SCP2: variants seen among roughly 807,000 people sequenced by gnomAD.
SCP2 encodes the protein sterol carrier protein 2, also known as SCP-2/3-oxoacyl-CoA thiolase.
A neutral mutation model predicts 71.4 loss-of-function variants in SCP2; 48 were observed. That is an observed-to-expected ratio of 0.67 (90% CI 0.53 to 0.86). SCP2 has a LOEUF of 0.86. Among genes scored for constraint, SCP2 ranks in the 40% least tolerant of loss-of-function variants. SCP2 has a pLI of 0.00. For missense variants in SCP2, 560 were observed against 655.6 expected, an observed-to-expected ratio of 0.85 and a Z score of 1.59; for synonymous variants, 220 against 218.1, an observed-to-expected ratio of 1.01 and a Z score of -0.08.
At chr1:53,012,228 C>T (rs114400554) in intron 11 of SCP2, among the ~76,000 whole-genome samples, 7,560 of 152,284 alleles carry the variant, frequency 0.05, 593 homozygotes, top group African/African-American at 0.17. Context: ...GGAAGGAATG[C>T]GTGCTCAGAG....
At chr1:52,976,601 C>T in intron 7 of SCP2, 82 bp from the exon 8 acceptor site, 1 of 782,932 alleles carries the variant, frequency 1.3e-6, no homozygotes, top group Non-Finnish European at 2.3e-6. Context: ...ATAATATTTA[C>T]ATATTATTCT....
At chr1:52,931,542 C>A (rs1463868862) in intron 1 of SCP2, among the ~76,000 whole-genome samples, 1 of 152,194 alleles carries the variant, frequency 6.6e-6, no homozygotes, top group East Asian at 1.9e-4. Context: ...AAGGGTAGTA[C>A]TTCCCAGCTG....
At chr1:52,974,461 TCTC>T (rs951969158) in intron 6 of SCP2, among the ~76,000 whole-genome samples, 2 of 152,180 alleles carry the variant, frequency 1.3e-5, no homozygotes, top group Admixed American at 1.3e-4. Flanking sequence ...ATTGTAGTGT[TCTC>T]CTGCCTTAAA....
chr1:52,973,808 A>G lies in SCP2; in HGVS notation c.524-961A>G, dbSNP rs78335779. 9.1e-3 allele frequency among the ~76,000 whole-genome samples: 1,389 copies of G among 152,182 alleles called. 93 individuals carry two copies. In the East Asian group the frequency reaches 0.19, roughly 21 times the overall value. ...CTAGAGACAGAGTCTCACCATGTTG[A>G]CTAGTCTGGTCTTGAACTCCTGACC... On this transcript the variant is annotated intron_variant, in intron 6 of 15. Transcript: ENST00000371514.
intron 5 of SCP2, among the ~76,000 whole-genome samples, chr1:52,955,715 C>T (rs771055753): frequency 6.6e-6 from 1 of 152,010 alleles, no homozygotes. Context: ...AGGAAAGCAC[C>T]TTTCTTCCAG....
chr1:52,933,305 G>T (rs1361104086), intron 1 of SCP2, among the ~76,000 whole-genome samples: 1 of 152,160 alleles, frequency 6.6e-6, no homozygotes, highest in Non-Finnish European at 1.5e-5. Flanking sequence ...AAACCCATCA[G>T]GCTGGGCATG....
chr1:52,983,371 G>A (rs1658699323), intron 10 of SCP2, among the ~76,000 whole-genome samples: 1 of 151,966 alleles, frequency 6.6e-6, no homozygotes, highest in Non-Finnish European at 1.5e-5. Context: ...ACCAAATTTG[G>A]CAAGTTTTCA....
intron 10 of SCP2, among the ~76,000 whole-genome samples, chr1:52,984,095 T>C (rs548612579): frequency 6.6e-6 from 1 of 152,316 alleles, no homozygotes; most frequent in South Asian, 2.1e-4. Context: ...GATCCTCTTC[T>C]CTGGCTCTCT....
chr1:52,997,885 TC>T (rs1275834524), intron 11 of SCP2, among the ~76,000 whole-genome samples: 3 of 152,212 alleles, frequency 2.0e-5, no homozygotes, highest in Admixed American at 6.5e-5. Context: ...TCCTCTGGCC[TC>T]CCTGAAACAT....
intron 7 of SCP2, among the ~76,000 whole-genome samples, chr1:52,975,157 C>T (rs1022662990): frequency 1.3e-5 from 2 of 151,666 alleles, no homozygotes; most frequent in African/African-American, 4.8e-5. Context: ...GCTGGGACTA[C>T]AGGAGCCACC....
chr1:53,031,574 C>T (rs899673628), intron 13 of SCP2, among the ~76,000 whole-genome samples: 1 of 152,162 alleles, frequency 6.6e-6, no homozygotes, highest in Non-Finnish European at 1.5e-5. Context: ...ACTCCTTAAC[C>T]TTTTGCCTAC....
chr1:52,927,871 A>T (rs1015664124), intron 1 of SCP2, among the ~76,000 whole-genome samples: 1 of 151,970 alleles, frequency 6.6e-6, no homozygotes, highest in Non-Finnish European at 1.5e-5. Flanking sequence ...GCGAGGAGAA[A>T]CGCTCCTGAT....
At chr1:52,979,691 A>C (rs1243169009) in intron 9 of SCP2, among the ~76,000 whole-genome samples, 1 of 152,164 alleles carries the variant, frequency 6.6e-6, no homozygotes, top group Non-Finnish European at 1.5e-5. Flanking sequence ...CTTGTTTATC[A>C]CAACTATACA....
At chr1:52,993,274 T>C (rs1659663427) in intron 11 of SCP2, 3 of 1,614,208 alleles carry the variant, frequency 1.9e-6, no homozygotes, top group Non-Finnish European at 2.5e-6. Context: ...ATTCCTGCTC[T>C]TGAAATTTCC....
chr1:53,026,941 C>CTT (rs758073714), intron 12 of SCP2, among the ~76,000 whole-genome samples: 7,820 of 133,906 alleles, frequency 0.058, 520 homozygotes, highest in Admixed American at 0.17. Context: ...AACTGCTGCA[C>CTT]TTTTTTTTTT....
intron 11 of SCP2, 69 bp downstream of exon 11, chr1:52,988,205 TCATTTGAATGA>T (rs1269801042): frequency 8.7e-6 from 7 of 803,374 alleles, no homozygotes; most frequent in Non-Finnish European, 1.3e-5. Flanking sequence ...AGTTAGTCTT[TCATTTGAATGA>T]AAGATTATAT....
chr1:52,951,173 CTGGGAGGCTGAGG>C (rs1655264200), intron 4 of SCP2, among the ~76,000 whole-genome samples: 1 of 151,744 alleles, frequency 6.6e-6, no homozygotes, highest in Non-Finnish European at 1.5e-5. Flanking sequence ...TCCCAGCTAT[CTGGGAGGCTGAGG>C]TGGGAGGATG....
At chr1:53,040,844 A>G (rs1003997436) in intron 14 of SCP2, among the ~76,000 whole-genome samples, 2 of 152,098 alleles carry the variant, frequency 1.3e-5, no homozygotes, top group African/African-American at 4.8e-5. Context: ...CTTATTGTCC[A>G]TCTCTCTCAC....
rs183867731 is a variant in SCP2, at chr1:53,014,471, G to A, written c.1082-419G>A. 2.4e-4 allele frequency among the ~76,000 whole-genome samples: 37 copies of A among 152,028 alleles called. No homozygotes were observed. In the East Asian group the frequency reaches 6.9e-3, roughly 29 times the overall value. ...TTGTGAATATCTGTGAATAGGTCTG[G>A]AAAACAACTCATTGTTGTTGGGAAC... On this transcript the variant is annotated intron_variant, in intron 11 of 15. Coordinates refer to ENST00000371514, the MANE Select transcript of SCP2 (RefSeq NM_002979.5).
Sources: gnomAD v4.1 joint callset for allele counts (sites outside exome capture counted in the v4.1 genomes callset) on GRCh38, gnomAD v4.1.1 for gene constraint, MANE v1.5 for transcripts, NCBI Gene and HGNC (gene_info 2026-07-23, HGNC 2026-07-21) for gene names.